Variants in ARHGAP28 observed in about 807,000 individuals in gnomAD.
ARHGAP28 encodes rho GTPase-activating protein 28.
Under a neutral mutation model 90.7 loss-of-function variants are expected in ARHGAP28, and 56 were observed. The ratio of observed to expected loss-of-function variants is 0.62; its 90% CI spans 0.50 to 0.77. The LOEUF (loss-of-function observed/expected upper bound fraction) is 0.77. Ranked by LOEUF, ARHGAP28 falls within the 30% of genes least tolerant of loss-of-function variation. The probability of loss-of-function intolerance (pLI) is 0.00; values close to 1 mark genes in which losing one functional copy is unlikely to be tolerated. For missense variants in ARHGAP28, 869 were observed against 900.9 expected (o/e 0.96, Z 0.45); for synonymous variants, 308 against 323.3 (o/e 0.95, Z 0.51).
At chr18:6,789,063 A>C (rs1333578608) in intron 1 of ARHGAP28, 1 of 152,244 alleles carries the variant, frequency 6.6e-6, no homozygotes, top group African/African-American at 2.4e-5. Flanking sequence ...TTTTTGTCAA[A>C]GAAATCAACC....
At chr18:6,876,449 C>A (rs1023349700) in intron 10 of ARHGAP28, among the ~76,000 whole-genome samples, 1 of 152,048 alleles carries the variant, frequency 6.6e-6, no homozygotes, top group African/African-American at 2.4e-5. Context: ...CACATCAATT[C>A]ACCATCAAAA....
chr18:6,825,130 C>G (rs551712216), intron 2 of ARHGAP28, among the ~76,000 whole-genome samples, 166 bp downstream of exon 2: 3 of 152,286 alleles, frequency 2.0e-5, no homozygotes, highest in African/African-American at 7.2e-5. Context: ...ATCTACTGTA[C>G]TGGCTCAGGG....
intron 15 of ARHGAP28, among the ~76,000 whole-genome samples, chr18:6,895,229 T>C (rs975343611): frequency 6.6e-6 from 1 of 152,122 alleles, no homozygotes; most frequent in African/African-American, 2.4e-5. Context: ...AGGTGAACTT[T>C]AGGAGTACAG....
At chr18:6,776,881 GATC>G (rs1337917966) in intron 1 of ARHGAP28, among the ~76,000 whole-genome samples, 2 of 152,110 alleles carry the variant, frequency 1.3e-5, no homozygotes, top group Non-Finnish European at 2.9e-5. Context: ...TCCATGATTA[GATC>G]ATTATGGATG....
At position 6,833,454 on chromosome 18, in the gene ARHGAP28, C is replaced by T. The variant is rs1017426891; in HGVS notation, c.326-3743C>T. ...TTCTTCTCTCTCTCTCTTTCTCTCT[C>T]TCTCTCCCCTTTACAGTCTGGAACA... On this transcript the variant is annotated intron_variant, in intron 2 of 17. Coordinates refer to ENST00000383472, the MANE Select transcript of ARHGAP28 (RefSeq NM_001366230.1). Among the ~76,000 whole-genome samples, 6 of 152,090 alleles carry T rather than the reference C, an allele frequency of 3.9e-5. No homozygotes were observed. The East Asian group carries it at 1.2e-3, about 29-fold the overall frequency.
At chr18:6,900,598 TAG>T (rs905465362) in intron 16 of ARHGAP28, among the ~76,000 whole-genome samples, 21 of 151,582 alleles carry the variant, frequency 1.4e-4, no homozygotes, top group Admixed American at 1.1e-3. Context: ...GACATGTCAA[TAG>T]AGTTTATCGA....
chr18:6,748,701 A>C (rs568986734), intron 1 of ARHGAP28, among the ~76,000 whole-genome samples: 6 of 152,354 alleles, frequency 3.9e-5, no homozygotes, highest in African/African-American at 1.4e-4. Context: ...TCTTCTAGTC[A>C]TTTCTCAAGG....
chr18:6,840,318 T>C (rs1038965263), intron 3 of ARHGAP28, among the ~76,000 whole-genome samples: 1 of 152,222 alleles, frequency 6.6e-6, no homozygotes, highest in Non-Finnish European at 1.5e-5. Flanking sequence ...ATTTTGCTTT[T>C]CTCTAGGAAA....
intron 4 of ARHGAP28, among the ~76,000 whole-genome samples, chr18:6,851,857 A>T (rs984596237): frequency 4.9e-4 from 75 of 152,294 alleles, no homozygotes; most frequent in African/African-American, 1.8e-3. Context: ...TGGGGGAAAG[A>T]TAATCATTGA....
intron 3 of ARHGAP28, among the ~76,000 whole-genome samples, chr18:6,848,987 C>T (rs1003928886): frequency 2.0e-5 from 3 of 151,798 alleles, no homozygotes; most frequent in Non-Finnish European, 4.4e-5. Flanking sequence ...TGGCAGCTTA[C>T]ACCTGTAATT....
intron 1 of ARHGAP28, among the ~76,000 whole-genome samples, chr18:6,753,553 A>G (rs1313422391): frequency 6.6e-6 from 1 of 152,252 alleles, no homozygotes; most frequent in African/African-American, 2.4e-5. Context: ...ACTTTGAAGA[A>G]CATAATATAT....
At chr18:6,819,855 AC>A in intron 1 of ARHGAP28, among the ~76,000 whole-genome samples, 1 of 152,222 alleles carries the variant, frequency 6.6e-6, no homozygotes, top group African/African-American at 2.4e-5. Flanking sequence ...GTAAATTGCA[AC>A]CCAGCCCAGA....
chr18:6,855,965 T>C (rs1467080705), intron 4 of ARHGAP28, among the ~76,000 whole-genome samples: 1 of 152,196 alleles, frequency 6.6e-6, no homozygotes, highest in Non-Finnish European at 1.5e-5. Flanking sequence ...ACTCCGCACC[T>C]AGCTTGCCCT....
At chr18:6,850,251 C>A (rs1302660892) in intron 3 of ARHGAP28, among the ~76,000 whole-genome samples, 2 of 152,184 alleles carry the variant, frequency 1.3e-5, no homozygotes, top group African/African-American at 4.8e-5. Context: ...TATAAATGTT[C>A]TTCTCTTTCC....
intron 1 of ARHGAP28, among the ~76,000 whole-genome samples, chr18:6,740,056 GT>G (rs979147162): frequency 2.0e-5 from 3 of 152,014 alleles, no homozygotes; most frequent in Non-Finnish European, 4.4e-5. Context: ...GTTTCTCCAT[GT>G]TGATCAGGCT....
chr18:6,744,151 A>G (rs1427863766), intron 1 of ARHGAP28, among the ~76,000 whole-genome samples: 1 of 152,228 alleles, frequency 6.6e-6, no homozygotes, highest in Non-Finnish European at 1.5e-5. Flanking sequence ...CGATAGCTCA[A>G]TTAAATCTAA....
chr18:6,811,365 T>G (rs570801014), intron 1 of ARHGAP28, among the ~76,000 whole-genome samples: 2 of 152,338 alleles, frequency 1.3e-5, no homozygotes, highest in South Asian at 4.1e-4. Context: ...GACAAGAATC[T>G]TCATTGAACC....
rs1488271715 is a variant in ARHGAP28, at chr18:6,857,094, C to A, written c.637-2714C>A. On this transcript the variant is annotated intron_variant, in intron 4 of 17. Transcript: ENST00000383472. Reference sequence around the variant, plus strand: ...ATGTAGAATAAAGTATATAAATTGTCATTTCCCTTAGGTAAAGATGCTACA... The same window carrying A: ...ATGTAGAATAAAGTATATAAATTGTAATTTCCCTTAGGTAAAGATGCTACA... Among the ~76,000 whole-genome samples, 5 of 152,166 alleles carry A rather than the reference C, an allele frequency of 3.3e-5. No homozygotes were observed. The South Asian group carries it at 1.0e-3, about 32-fold the overall frequency.
intron 1 of ARHGAP28, among the ~76,000 whole-genome samples, chr18:6,731,297 T>C (rs1028651452): frequency 4.6e-5 from 7 of 151,722 alleles, no homozygotes; most frequent in African/African-American, 1.7e-4. Flanking sequence ...TGTGCGTGTG[T>C]GTGTGTGTGT....
Sources: allele counts gnomAD v4.1 joint callset (sites outside exome capture counted in the v4.1 genomes callset), GRCh38; gene constraint gnomAD v4.1.1; transcripts MANE v1.5; gene names NCBI Gene and HGNC (gene_info 2026-07-23, HGNC 2026-07-21).